Variants in ASMT observed in about 807,000 individuals in gnomAD.
ASMT encodes the protein acetylserotonin N-methyltransferase.
ASMT carries 53 observed loss-of-function variants against 41.3 expected under a neutral mutation model. The observed-to-expected ratio is 1.28, with a 90% confidence interval of 1.03 to 1.61. The LOEUF (loss-of-function observed/expected upper bound fraction) is 1.61, where lower values mean the gene tolerates loss of function less well. ASMT is among the 40% of genes most tolerant of loss of function. The pLI is 0.00. For missense variants in ASMT, 531 were observed against 441.3 expected, an observed-to-expected ratio of 1.20 and a Z score of -1.82; for synonymous variants, 231 against 184.8, an observed-to-expected ratio of 1.25 and a Z score of -2.03.
Position 1,624,723 on chromosome X carries a change from C to T in ASMT, c.374+325C>T. ...GATGCTGGGAGGTGGGGGCTGACCC[C>T]AGGCAGATGCTGGGAGGTGGTGGCT... On this transcript the variant is annotated intron_variant, in intron 3 of 8. Transcript: ENST00000381241. 3.9e-5 allele frequency among the ~76,000 whole-genome samples: 2 copies of T among 50,980 alleles called. 1 individual carries two copies. The highest frequency in any genetic ancestry group is 2.0e-3 in the South Asian group (2 of 992). 33.4% of individuals were successfully genotyped at this position (50,980 alleles called of 152,430 possible). A position where few individuals can be genotyped will look rare whatever the true frequency, so the allele number is the denominator to read the frequency against.
chrX:1,631,787 T>C (rs1934786941), intron 5 of ASMT, among the ~76,000 whole-genome samples: 1 of 151,110 alleles, frequency 6.6e-6, no homozygotes, highest in Admixed American at 6.6e-5. Flanking sequence ...CGGTGGCTCA[T>C]GCCTGTAATC....
chrX:1,636,392 G>A (rs1934964206), intron 7 of ASMT, 46 bp from the exon 8 acceptor site: 2 of 1,613,892 alleles, frequency 1.2e-6, no homozygotes, highest in Non-Finnish European at 8.5e-7. Context: ...TAGTCAAATG[G>A]GATTGGATTG....
chrX:1,632,085 G>A (rs1366167001), intron 5 of ASMT, among the ~76,000 whole-genome samples: 1 of 152,090 alleles, frequency 6.6e-6, no homozygotes, highest in African/African-American at 2.4e-5. Flanking sequence ...CAGAAATAAT[G>A]GACAAGGAGC....
chrX:1,636,456 C>T lies in ASMT; in HGVS notation c.806C>T (p.Pro269Leu), dbSNP rs144881143. 2 of 1,613,914 alleles carry T rather than the reference C, an allele frequency of 1.2e-6. No individual in the cohort carries two copies. Among genetic ancestry groups the T allele is most frequent in the Non-Finnish European group, 8.5e-7 (1 of 1,179,864 alleles). ...DFQEGDFFKDPLPEADLYILA... is the reference protein window; with the variant it reads ...DFQEGDFFKDLLPEADLYILA... ...GTTCCAGGGGATTTCTTCAAAGACC[C>T]TCTTCCGGAAGCTGATCTGTACATC... Residue 269 changes from proline (P) to leucine (L), a missense_variant, in exon 8 of 9, where the codon CCT becomes CTT. Physicochemically the swap from Pro to Leu is moderately conservative, Grantham distance 98. Transcript: ENST00000381241.
rs4575022 is a variant in ASMT, at chrX:1,615,528, C to T, written c.69+260C>T. Among the ~76,000 whole-genome samples, 370 of 152,186 alleles carry T rather than the reference C, an allele frequency of 2.4e-3. 1 individual carries two copies. The highest frequency in any genetic ancestry group is 7.4e-3 in the East Asian group (38 of 5,168). On this transcript the variant is annotated intron_variant, in intron 1 of 8. Coordinates refer to ENST00000381241, the MANE Select transcript of ASMT (RefSeq NM_001171038.2). ...ATGTATGTAAGTACATTGGGCCAGT[C>T]GTGGTGGCTCACACCTGTGATCCCA... is the stretch of plus-strand genomic sequence containing the variant.
chrX:1,622,117 C>A (rs750491176), intron 1 of ASMT, among the ~76,000 whole-genome samples: 2 of 152,024 alleles, frequency 1.3e-5, no homozygotes, highest in Non-Finnish European at 2.9e-5. Flanking sequence ...CTCAGCCTCC[C>A]GAGTAGCTGG....
intron 1 of ASMT, among the ~76,000 whole-genome samples, chrX:1,619,191 C>G (rs1206479017): frequency 6.6e-6 from 1 of 151,864 alleles, no homozygotes; most frequent in South Asian, 2.1e-4. Context: ...GTCAGGAGTT[C>G]GAGACCAGCC....
intron 4 of ASMT, among the ~76,000 whole-genome samples, chrX:1,628,623 G>T (rs1934648358): frequency 7.0e-6 from 1 of 143,508 alleles, no homozygotes; most frequent in Non-Finnish European, 1.5e-5. Flanking sequence ...TTCTCCTTCT[G>T]TCCTGTTCCC....
intron 4 of ASMT, chrX:1,627,972 G>A (rs1181972266): frequency 1.1e-5 from 7 of 643,786 alleles, no homozygotes; most frequent in African/African-American, 1.8e-5. Context: ...CTGAGGAGGT[G>A]CAACGTGACC....
intron 2 of ASMT, 185 bp from the exon 3 acceptor site, chrX:1,624,084 C>A (rs778811270): frequency 3.7e-6 from 1 of 268,326 alleles, no homozygotes; most frequent in Non-Finnish European, 5.8e-6. Flanking sequence ...GCTAGCCGCC[C>A]CAGGTCACCT....
At position 1,630,871 on chromosome X, in the gene ASMT, TTTTATTTA is replaced by T. The variant is rs112497831; in HGVS notation, c.562+953_562+960del. Among the ~76,000 whole-genome samples, 25 of 139,950 alleles carry T rather than the reference TTTTATTTA, an allele frequency of 1.8e-4. 1 individual carries two copies. The South Asian group carries it at 4.3e-3, about 24-fold the overall frequency. The allele number at this position is 139,950 out of a possible 152,430, so 91.8% of individuals were successfully genotyped here. The stretch of plus-strand genomic sequence containing the variant: ...CCACACCCAGGCTGAGCTGAGCTTG[TTTTATTTA>T]TTTATTTATTTATTTATTTACTTGT... On this transcript the variant is annotated intron_variant, in intron 5 of 8. Transcript: ENST00000381241.
intron 1 of ASMT, among the ~76,000 whole-genome samples, chrX:1,619,350 C>T (rs765422069): frequency 7.4e-5 from 11 of 149,038 alleles, no homozygotes; most frequent in African/African-American, 2.5e-4. Context: ...GCCGAGATCA[C>T]GCCACTGCAC....
chrX:1,627,933 C>T, intron 4 of ASMT, 162 bp downstream of exon 4: 2 of 741,004 alleles, frequency 2.7e-6, no homozygotes, highest in Admixed American at 4.6e-5. Context: ...CCAGATTTTG[C>T]TCATCTGATG....
At chrX:1,626,251 T>C (rs1441762456) in intron 3 of ASMT, among the ~76,000 whole-genome samples, 7 of 139,256 alleles carry the variant, frequency 5.0e-5, no homozygotes, top group Non-Finnish European at 1.1e-4. Context: ...TTTTTTTTTT[T>C]TGAGACAGAG....
intron 5 of ASMT, 103 bp downstream of exon 5, chrX:1,630,042 T>C (rs1381908382): frequency 1.0e-5 from 11 of 1,071,800 alleles, no homozygotes; most frequent in African/African-American, 1.5e-5. Context: ...TGCTTTGACA[T>C]GTGCGGCCTT....
chrX:1,617,042 G>A (rs1476432859), intron 1 of ASMT, among the ~76,000 whole-genome samples: 2 of 152,078 alleles, frequency 1.3e-5, no homozygotes, highest in African/African-American at 4.8e-5. Context: ...GTGGGGTGGT[G>A]CACACCTGTA....
At chrX:1,621,843 G>C (rs1432853559) in intron 1 of ASMT, among the ~76,000 whole-genome samples, 2 of 145,278 alleles carry the variant, frequency 1.4e-5, no homozygotes, top group African/African-American at 2.6e-5. Flanking sequence ...TTACAGGCAT[G>C]CACCACCACA....
intron 1 of ASMT, among the ~76,000 whole-genome samples, chrX:1,615,501 C>G (rs773874042): frequency 6.6e-6 from 1 of 152,042 alleles, no homozygotes; most frequent in Non-Finnish European, 1.5e-5. Context: ...AGTCATCAAT[C>G]AATGTATGTA....
At chrX:1,631,146 C>A (rs1934762900) in intron 5 of ASMT, among the ~76,000 whole-genome samples, 1 of 151,626 alleles carries the variant, frequency 6.6e-6, no homozygotes, top group African/African-American at 2.4e-5. Flanking sequence ...GATCTCCTGA[C>A]CTCGTGATCC....
Sources: allele counts gnomAD v4.1 joint callset (sites outside exome capture counted in the v4.1 genomes callset), GRCh38; gene constraint gnomAD v4.1.1; transcripts MANE v1.5; gene names NCBI Gene and HGNC (gene_info 2026-07-23, HGNC 2026-07-21).